Variants in SPATA13 observed in about 807,000 individuals in gnomAD.
SPATA13 encodes spermatogenesis-associated protein 13.
Under a neutral mutation model 104.0 loss-of-function variants are expected in SPATA13, and 50 were observed. That is an observed-to-expected ratio of 0.48 (90% CI 0.38 to 0.61). SPATA13 has a LOEUF of 0.61. SPATA13 is among the 20% of genes least tolerant of loss of function. SPATA13 has a pLI of 0.00. For synonymous variants in SPATA13, 606 were observed against 667.5 expected (o/e 0.91, Z 1.42); for missense variants, 1,524 against 1,690.6 (o/e 0.90, Z 1.73).
Position 24,198,277 on chromosome 13 carries a change from G to A in SPATA13, c.-111-24542G>A, listed in dbSNP as rs369139559. On this transcript the variant is annotated intron_variant, in intron 1 of 12. Transcript: ENST00000382108. ...CAAAGTGCTGAGATTACAGGCGTGA[G>A]CCACCGCACCGAGCCACCTTGTTTT... is the stretch of plus-strand genomic sequence containing the variant. Among the ~76,000 whole-genome samples the A allele has an allele frequency of 5.9e-5, 9 of 152,256 alleles. No individual in the cohort carries two copies. The South Asian group carries it at 1.7e-3, about 28-fold the overall frequency.
chr13:24,013,996 C>G (rs118099477), intron 2 of SPATA13, among the ~76,000 whole-genome samples: 54 of 152,260 alleles, frequency 3.5e-4, no homozygotes, highest in Non-Finnish European at 7.1e-4. Flanking sequence ...AGAGTCAGAG[C>G]CTCCAAACCC....
intron 3 of SPATA13, among the ~76,000 whole-genome samples, chr13:24,068,794 T>C (rs963139132): frequency 1.3e-5 from 2 of 152,222 alleles, no homozygotes; most frequent in African/African-American, 4.8e-5. Flanking sequence ...TTCATATGTT[T>C]GTTGGCCGCA....
At chr13:24,186,692 A>T (rs1869173243) in intron 1 of SPATA13, among the ~76,000 whole-genome samples, 1 of 152,204 alleles carries the variant, frequency 6.6e-6, no homozygotes, top group African/African-American at 2.4e-5. Flanking sequence ...TTACGGGAAC[A>T]TTAATTTTCT....
At chr13:24,187,292 T>C (rs954807693) in intron 1 of SPATA13, among the ~76,000 whole-genome samples, 7 of 152,076 alleles carry the variant, frequency 4.6e-5, no homozygotes, top group African/African-American at 1.7e-4. Context: ...TGACTGGAGG[T>C]AGATGAAGAA....
chr13:24,224,824 C>T lies in SPATA13; in HGVS notation c.1653+242C>T, dbSNP rs1024343187. On this transcript the variant is annotated intron_variant, in intron 2 of 12. Transcript: ENST00000382108. ...ATTCATTGAGATGACATTTGCCACA[C>T]CTTTCATTCAAAAGATGTTTATTGA... 13 of 581,308 alleles carry T rather than the reference C, an allele frequency of 2.2e-5. No individual in the cohort carries two copies. In the Admixed American group the frequency reaches 2.5e-4, roughly 11 times the overall value. 36.0% of individuals were successfully genotyped at this position (581,308 alleles called of 1,614,324 possible).
intron 1 of SPATA13, among the ~76,000 whole-genome samples, chr13:24,204,620 AC>A (rs1431667542): frequency 2.6e-5 from 4 of 152,050 alleles, no homozygotes; most frequent in Admixed American, 2.6e-4. Context: ...CTCCTCCCAG[AC>A]CCCAGAAATT....
chr13:24,198,481 C>G (rs1870213675), intron 1 of SPATA13, among the ~76,000 whole-genome samples: 1 of 152,200 alleles, frequency 6.6e-6, no homozygotes, highest in Non-Finnish European at 1.5e-5. Flanking sequence ...AAACCCTTTG[C>G]CATTAAATCC....
chr13:24,173,401 T>C (rs1369619070), intron 1 of SPATA13, among the ~76,000 whole-genome samples: 1 of 142,642 alleles, frequency 7.0e-6, no homozygotes, highest in East Asian at 2.1e-4. Flanking sequence ...TGTGTGTGTG[T>C]GGTAGATTTC....
upstream of SPATA13, among the ~76,000 whole-genome samples, chr13:24,156,828 T>A (rs112731903): frequency 1.4e-3 from 208 of 152,302 alleles, no homozygotes; most frequent in African/African-American, 4.8e-3. Flanking sequence ...AGAACCCACA[T>A]GGACAGAGAG....
At chr13:24,225,792 T>C (rs555731104) in intron 2 of SPATA13, among the ~76,000 whole-genome samples, 30 of 152,334 alleles carry the variant, frequency 2.0e-4, no homozygotes, top group African/African-American at 7.2e-4. Context: ...CATGTCACTG[T>C]CTGTAGCTCG....
rs139764171 is a variant in SPATA13, at chr13:24,009,249, T to A, written c.-146-8418T>A. Among the ~76,000 whole-genome samples, 751 of 152,366 alleles carry A rather than the reference T, an allele frequency of 4.9e-3. 8 individuals are homozygous for A. Among genetic ancestry groups the A allele is most frequent in the Non-Finnish European group, 8.3e-3 (568 of 68,026 alleles). The stretch of plus-strand genomic sequence containing the variant: ...GCTGGTCCAGCAAGGAGGGCCACCC[T>A]TCTCCCATGGTCCTGTGAACCAAAA... On this transcript the variant is annotated intron_variant, in intron 2 of 14. Coordinates refer to the SPATA13 transcript ENST00000424834.
chr13:24,155,660 T>C (rs922737024), intron 3 of SPATA13, among the ~76,000 whole-genome samples: 2 of 152,114 alleles, frequency 1.3e-5, no homozygotes, highest in South Asian at 4.1e-4. Context: ...GATTAGAAAA[T>C]GGGACATTTT....
chr13:24,024,459 T>TGTCC (rs1877118426), intron 3 of SPATA13, among the ~76,000 whole-genome samples: 1 of 151,958 alleles, frequency 6.6e-6, no homozygotes, highest in Admixed American at 6.6e-5. Flanking sequence ...TTGGGTTGTC[T>TGTCC]AGTGACAAGA....
In SPATA13 at chr13:24,092,876, T is replaced by C. The variant is rs187620320; in HGVS notation, c.-112+75175T>C. Among the ~76,000 whole-genome samples, 6 of 152,308 alleles carry C rather than the reference T, an allele frequency of 3.9e-5. No individual in the cohort carries two copies. The East Asian group carries it at 1.2e-3, about 29-fold the overall frequency. On this transcript the variant is annotated intron_variant, in intron 3 of 14. Coordinates refer to the SPATA13 transcript ENST00000424834. Reference sequence around the variant, plus strand: ...GAAAAGGCTGGTAACAACTAGAAGATTGCCCGAGTAAGCCTGAAACACTGA... The same window carrying C: ...GAAAAGGCTGGTAACAACTAGAAGACTGCCCGAGTAAGCCTGAAACACTGA...
chr13:24,132,254 CA>C (rs756883308), intron 3 of SPATA13, among the ~76,000 whole-genome samples: 1 of 152,234 alleles, frequency 6.6e-6, no homozygotes, highest in Admixed American at 6.5e-5. Flanking sequence ...AGCTGCCATG[CA>C]GCCTTGAATG....
intron 3 of SPATA13, among the ~76,000 whole-genome samples, chr13:24,059,649 G>A (rs150858020): frequency 3.9e-3 from 599 of 152,316 alleles, no homozygotes; most frequent in Non-Finnish European, 6.2e-3. Flanking sequence ...GTAAGTATAA[G>A]TGTGTCCATT....
chr13:24,001,886 T>C (rs1370685285), intron 2 of SPATA13, among the ~76,000 whole-genome samples: 4 of 151,362 alleles, frequency 2.6e-5, no homozygotes, highest in African/African-American at 9.7e-5. Flanking sequence ...TTTCAGAAGA[T>C]GAGGCTGGAG....
At chr13:24,279,006 C>G in intron 4 of SPATA13, among the ~76,000 whole-genome samples, 1 of 146,420 alleles carries the variant, frequency 6.8e-6, no homozygotes, top group African/African-American at 2.5e-5. Context: ...TCCTTCCTTC[C>G]TTCCCTGCCT....
chr13:24,263,948 T>G (rs1229998715), intron 4 of SPATA13, among the ~76,000 whole-genome samples: 5 of 152,254 alleles, frequency 3.3e-5, no homozygotes, highest in Non-Finnish European at 7.3e-5. Flanking sequence ...GAAAGGCTTC[T>G]GTGTGCAGAA....
Sources: allele counts gnomAD v4.1 joint callset (sites outside exome capture counted in the v4.1 genomes callset), GRCh38; gene constraint gnomAD v4.1.1; transcripts MANE v1.5; gene names NCBI Gene and HGNC (gene_info 2026-07-23, HGNC 2026-07-21).